Variants in TCF7L1 observed in about 807,000 individuals in gnomAD.
TCF7L1 encodes the protein transcription factor 7-like 1.
In TCF7L1, 18 loss-of-function variants were observed where a neutral mutation model predicts 63.7. The observed-to-expected ratio is 0.28, with a 90% CI of 0.20 to 0.42. TCF7L1 has a LOEUF of 0.42. Ranked by LOEUF, TCF7L1 falls within the 10% of genes least tolerant of loss-of-function variation. The pLI, the probability that TCF7L1 is intolerant of heterozygous loss-of-function variation, is 1.00. For synonymous variants in TCF7L1, 355 were observed against 340.9 expected (o/e 1.04, Z -0.46); for missense variants, 654 against 779.3 (o/e 0.84, Z 1.91).
intron 3 of TCF7L1, among the ~76,000 whole-genome samples, chr2:85,259,502 A>C (rs1680807275): frequency 6.6e-6 from 1 of 152,182 alleles, no homozygotes; most frequent in African/African-American, 2.4e-5. Context: ...TTGTGAAAGA[A>C]TCTGAGTTTG....
rs757264995 is a variant in TCF7L1 at position 85,148,491 on chromosome 2, CAG to C, written c.441+14042_441+14043del. ...TGTCCCTATGCCCCAGGGCCCCCCT[CAG>C]GGAGAATGGGGATAATGATAGTCAT... On this transcript the variant is annotated intron_variant, in intron 3 of 11. Coordinates refer to ENST00000282111, the MANE Select transcript of TCF7L1 (RefSeq NM_031283.3). Among the ~76,000 whole-genome samples the C allele has an allele frequency of 1.1e-3, 167 of 152,242 alleles. 1 individual carries two copies. In the Middle Eastern group the frequency reaches 0.024, roughly 22 times the overall value.
intron 3 of TCF7L1, among the ~76,000 whole-genome samples, chr2:85,183,805 G>A (rs1190491871): frequency 6.6e-6 from 1 of 152,154 alleles, no homozygotes; most frequent in Non-Finnish European, 1.5e-5. Context: ...GCCCAGCTCA[G>A]GATACGGAAT....
chr2:85,291,566 G>A (rs1422371351), intron 4 of TCF7L1, among the ~76,000 whole-genome samples: 2 of 85,132 alleles, frequency 2.3e-5, no homozygotes, highest in Admixed American at 1.3e-4. Context: ...TTTTAGTTTT[G>A]GTTTTGGTTT....
At chr2:85,234,466 T>C (rs1429250512) in intron 3 of TCF7L1, among the ~76,000 whole-genome samples, 2 of 152,158 alleles carry the variant, frequency 1.3e-5, no homozygotes, top group Non-Finnish European at 2.9e-5. Flanking sequence ...TGTGGAAATT[T>C]TGGTAGAAAC....
chr2:85,264,651 CAG>C (rs1441140993), intron 3 of TCF7L1, among the ~76,000 whole-genome samples: 2 of 152,282 alleles, frequency 1.3e-5, no homozygotes, highest in East Asian at 1.9e-4. Flanking sequence ...CAGGAAGTGA[CAG>C]GGGATTTGAG....
chr2:85,260,552 A>T (rs889243057), intron 3 of TCF7L1, among the ~76,000 whole-genome samples: 1 of 151,578 alleles, frequency 6.6e-6, no homozygotes, highest in Non-Finnish European at 1.5e-5. Context: ...CTGAGGTAGG[A>T]GGATTACTTG....
At chr2:85,280,043 C>T (rs1431010861) in intron 3 of TCF7L1, among the ~76,000 whole-genome samples, 1 of 152,170 alleles carries the variant, frequency 6.6e-6, no homozygotes, top group Non-Finnish European at 1.5e-5. Context: ...TACAAGCATA[C>T]ATAAATGTAC....
At chr2:85,289,490 G>T (rs77357636) in intron 4 of TCF7L1, among the ~76,000 whole-genome samples, 1,570 of 152,290 alleles carry the variant, frequency 0.01, 15 homozygotes, top group Non-Finnish European at 0.012. Context: ...GTTAGGCTGA[G>T]CATCCAGAAT....
intron 4 of TCF7L1, among the ~76,000 whole-genome samples, chr2:85,287,343 C>G (rs1681587663): frequency 6.6e-6 from 1 of 152,116 alleles, no homozygotes; most frequent in Non-Finnish European, 1.5e-5. Context: ...TCAAATAAAT[C>G]AACTCTTCAT....
At chr2:85,222,938 T>G (rs1679879825) in intron 3 of TCF7L1, among the ~76,000 whole-genome samples, 1 of 152,142 alleles carries the variant, frequency 6.6e-6, no homozygotes, top group African/African-American at 2.4e-5. Context: ...CGAAATAGTC[T>G]TGGGCTTAGG....
chr2:85,227,198 C>G (rs1195265793), intron 3 of TCF7L1, among the ~76,000 whole-genome samples: 4 of 152,186 alleles, frequency 2.6e-5, no homozygotes, highest in Non-Finnish European at 5.9e-5. Flanking sequence ...CTTTGGACTT[C>G]TCTTCCTGCC....
chr2:85,307,079 T>C (rs1682132830), intron 10 of TCF7L1, among the ~76,000 whole-genome samples: 1 of 152,196 alleles, frequency 6.6e-6, no homozygotes, highest in African/African-American at 2.4e-5. Context: ...GGACTTCAGT[T>C]GATGCATTTC....
intron 3 of TCF7L1, among the ~76,000 whole-genome samples, chr2:85,251,842 G>T (rs1248981597): frequency 6.6e-6 from 1 of 152,198 alleles, no homozygotes; most frequent in Non-Finnish European, 1.5e-5. Flanking sequence ...GGAGGCGGAA[G>T]CAGGCAGATC....
intron 3 of TCF7L1, among the ~76,000 whole-genome samples, chr2:85,221,380 T>G (rs11126987): frequency 1.3e-5 from 2 of 152,216 alleles, no homozygotes; most frequent in African/African-American, 4.8e-5. Flanking sequence ...TAGTCTTGTT[T>G]CCTGTCTTAG....
At chr2:85,203,045 C>T (rs1679312094) in intron 3 of TCF7L1, among the ~76,000 whole-genome samples, 1 of 152,218 alleles carries the variant, frequency 6.6e-6, no homozygotes, top group East Asian at 1.9e-4. Flanking sequence ...CCATGTTAGC[C>T]AGGATGGTCT....
chr2:85,137,696 C>T (rs981244510), intron 3 of TCF7L1, among the ~76,000 whole-genome samples: 1 of 152,058 alleles, frequency 6.6e-6, no homozygotes, highest in African/African-American at 2.4e-5. Context: ...AGTTCGAGAC[C>T]AGCCTGGCCA....
chr2:85,223,066 G>A (rs1046058260), intron 3 of TCF7L1, among the ~76,000 whole-genome samples: 24 of 152,102 alleles, frequency 1.6e-4, no homozygotes, highest in Non-Finnish European at 3.2e-4. Context: ...CTACTTTTGT[G>A]TACATTGGAA....
At chr2:85,283,647 T>A in intron 4 of TCF7L1, 69 bp downstream of exon 4, 1 of 1,529,964 alleles carries the variant, frequency 6.5e-7, no homozygotes, top group Non-Finnish European at 9.1e-7. Context: ...CACTGCCTTC[T>A]GCCATCACGC....
chr2:85,194,985 C>T (rs888193465), intron 3 of TCF7L1, among the ~76,000 whole-genome samples: 1 of 152,244 alleles, frequency 6.6e-6, no homozygotes, highest in Non-Finnish European at 1.5e-5. Context: ...GCTCCACCCC[C>T]CAGTCCCACC....
Sources: allele counts gnomAD v4.1 joint callset (sites outside exome capture counted in the v4.1 genomes callset), GRCh38; gene constraint gnomAD v4.1.1; transcripts MANE v1.5; gene names NCBI Gene and HGNC (gene_info 2026-07-23, HGNC 2026-07-21).